Variants in WBP1L observed in about 807,000 individuals in gnomAD.
The protein encoded by WBP1L is WW domain binding protein 1 like, also known as WW domain binding protein 1-like.
Under a neutral mutation model 33.7 loss-of-function variants are expected in WBP1L, and 17 were observed. That is an observed-to-expected ratio of 0.50 (90% CI 0.34 to 0.76). The LOEUF (loss-of-function observed/expected upper bound fraction) is 0.76, where lower values mean the gene tolerates loss of function less well. Among genes scored for constraint, WBP1L ranks in the 30% least tolerant of loss-of-function variants. The probability of loss-of-function intolerance (pLI) is 0.01; values close to 1 mark genes in which losing one functional copy is unlikely to be tolerated. For missense variants in WBP1L, 389 were observed against 469.4 expected (o/e 0.83, Z 1.58); for synonymous variants, 173 against 190.8 (o/e 0.91, Z 0.77).
intron 1 of WBP1L, chr10:102,746,099 A>G: frequency 1.0e-6 from 1 of 982,800 alleles, no homozygotes. Context: ...GGTCAAAGAT[A>G]GGAACTAGAT....
At position 102,790,754 on chromosome 10, in the gene WBP1L, G is replaced by T. The variant is rs559999009; in HGVS notation, c.91-7239G>T. Among the ~76,000 whole-genome samples the T allele has an allele frequency of 1.1e-4, 16 of 151,958 alleles. No homozygotes were observed. The South Asian group carries it at 3.3e-3, about 32-fold the overall frequency. ...TCTCGAATTCCTGACCTCGTCATCC[G>T]CCCGCCTCAGCCTCCCAAAGTCCTG... is the stretch of plus-strand genomic sequence containing the variant. On this transcript the variant is annotated intron_variant, in intron 1 of 3. Transcript: ENST00000448841.
In WBP1L at chr10:102,785,434, AGCT is replaced by A. The variant is rs1306692204; in HGVS notation, c.91-12558_91-12556del. 7.4e-5 allele frequency among the ~76,000 whole-genome samples: 11 copies of A among 148,938 alleles called. No homozygotes were observed. In the East Asian group the frequency reaches 1.0e-3, roughly 13 times the overall value. ...GAACTCCTGATCTCATGATCCACCT[AGCT>A]CGGCCTCCCAAAGTGCTGGGATTAC... On this transcript the variant is annotated intron_variant, in intron 1 of 3. Coordinates refer to ENST00000448841, the MANE Select transcript of WBP1L (RefSeq NM_001083913.2).
intron 1 of WBP1L, among the ~76,000 whole-genome samples, chr10:102,776,970 A>G (rs1056136050): frequency 6.6e-6 from 1 of 151,942 alleles, no homozygotes; most frequent in East Asian, 1.9e-4. Flanking sequence ...AATTGACCCC[A>G]TTTTGGCCTT....
At position 102,784,035 on chromosome 10, in the gene WBP1L, T is replaced by C. The variant is rs577523272; in HGVS notation, c.91-13958T>C. Among the ~76,000 whole-genome samples, 10 of 152,292 alleles carry C rather than the reference T, an allele frequency of 6.6e-5. No homozygotes were observed. The South Asian group carries it at 2.1e-3, about 32-fold the overall frequency. ...TTAATCACTAGGTACTCTGTCTTAT[T>C]AATGACAGGTACAGAGTCATTTTTT... On this transcript the variant is annotated intron_variant, in intron 1 of 3. Transcript: ENST00000448841.
At chr10:102,806,484 G>C (rs6584526) in intron 2 of WBP1L, among the ~76,000 whole-genome samples, 81,708 of 151,910 alleles carry the variant, frequency 0.54, 22,617 homozygotes, top group Middle Eastern at 0.64. Context: ...CCACCCTTCT[G>C]CAAGGGTTCC....
At chr10:102,770,461 G>C (rs570381605) in intron 1 of WBP1L, among the ~76,000 whole-genome samples, 1 of 152,154 alleles carries the variant, frequency 6.6e-6, no homozygotes, top group Non-Finnish European at 1.5e-5. Flanking sequence ...TCTTTCTTCA[G>C]ATCCCTTGAT....
chr10:102,784,768 C>T (rs1026291066), intron 1 of WBP1L, among the ~76,000 whole-genome samples: 13 of 151,408 alleles, frequency 8.6e-5, no homozygotes, highest in African/African-American at 2.9e-4. Flanking sequence ...GCTTTTTTGC[C>T]CAGGCTGGTC....
intron 1 of WBP1L, among the ~76,000 whole-genome samples, chr10:102,757,883 C>G (rs1383119781): frequency 4.9e-5 from 3 of 61,146 alleles, no homozygotes; most frequent in Non-Finnish European, 6.2e-5. Context: ...CCCTCCCCCC[C>G]CCCCTTTTTT....
At chr10:102,776,732 G>A (rs1395683275) in intron 1 of WBP1L, among the ~76,000 whole-genome samples, 1 of 152,206 alleles carries the variant, frequency 6.6e-6, no homozygotes, top group African/African-American at 2.4e-5. Context: ...GGGAAGGGGA[G>A]AGGCAGAGTG....
chr10:102,763,824 G>GT (rs1241912794), intron 1 of WBP1L, among the ~76,000 whole-genome samples: 2 of 152,028 alleles, frequency 1.3e-5, no homozygotes, highest in Admixed American at 6.6e-5. Context: ...TTTTCTTTCT[G>GT]TTTTTTTGAG....
intron 2 of WBP1L, among the ~76,000 whole-genome samples, chr10:102,806,262 A>G (rs1415959013): frequency 6.6e-6 from 1 of 152,154 alleles, no homozygotes; most frequent in African/African-American, 2.4e-5. Context: ...ATAAAGTAAC[A>G]CAGAAGTATA....
chr10:102,743,992 G>C lies in WBP1L; in HGVS notation c.-62G>C. 2 of 1,222,934 alleles carry C rather than the reference G, an allele frequency of 1.6e-6. No homozygotes were observed. Among genetic ancestry groups the C allele is most frequent in the Non-Finnish European group, 1.2e-6 (1 of 854,666 alleles). The allele number at this position is 1,222,934 out of a possible 1,614,324, so 75.8% of individuals were successfully genotyped here. On this transcript the variant is annotated 5_prime_UTR_variant, in exon 1 of 4. Transcript: ENST00000448841. ...GAAGAAGGAAGAAGAGGGTAGAGGAGGAGAGGGAGGAGGAGGAGGGAGGTG... is the reference window on the plus strand; with the variant it reads ...GAAGAAGGAAGAAGAGGGTAGAGGACGAGAGGGAGGAGGAGGAGGGAGGTG...
At chr10:102,802,086 C>T (rs1843665980) in intron 2 of WBP1L, among the ~76,000 whole-genome samples, 1 of 88,690 alleles carries the variant, frequency 1.1e-5, no homozygotes, top group Non-Finnish European at 2.3e-5. Flanking sequence ...CTTTCCCTTT[C>T]CCCCTTCCCC....
At position 102,813,343 on chromosome 10, in the gene WBP1L, C is replaced by G; in HGVS notation, c.*12C>G. The stretch of plus-strand genomic sequence containing the variant: ...GCTCCCCCAGCTAGAGCAGGTCCTG[C>G]CAGCACCCAGCAACTTGGCAAAGCA... On this transcript the variant is annotated 3_prime_UTR_variant, in exon 4 of 4. Coordinates refer to ENST00000448841, the MANE Select transcript of WBP1L (RefSeq NM_001083913.2). 6.3e-7 allele frequency: 1 copy of G among 1,589,054 alleles called. No homozygotes were observed.
At chr10:102,749,896 GC>G (rs1209443325) in intron 1 of WBP1L, among the ~76,000 whole-genome samples, 6 of 151,352 alleles carry the variant, frequency 4.0e-5, no homozygotes, top group Admixed American at 3.3e-4. Flanking sequence ...TCATGCCTCA[GC>G]CTCCCAAATA....
At chr10:102,782,214 CTT>C (rs397961661) in intron 1 of WBP1L, among the ~76,000 whole-genome samples, 4 of 49,168 alleles carry the variant, frequency 8.1e-5, no homozygotes, top group East Asian at 8.2e-4. Flanking sequence ...AAAGAAGCTG[CTT>C]TTTTTTTTTT....
intron 1 of WBP1L, among the ~76,000 whole-genome samples, chr10:102,773,042 G>A (rs1159642572): frequency 2.0e-5 from 3 of 151,504 alleles, no homozygotes; most frequent in Non-Finnish European, 2.9e-5. Context: ...CATCATGTAT[G>A]AGGCTGGATC....
At chr10:102,775,262 C>A (rs1288971140) in intron 1 of WBP1L, among the ~76,000 whole-genome samples, 1 of 152,058 alleles carries the variant, frequency 6.6e-6, no homozygotes, top group Non-Finnish European at 1.5e-5. Context: ...AGGATTCAGG[C>A]CGAGGGAGAG....
Position 102,779,568 on chromosome 10 carries a change from C to T in WBP1L, c.91-18425C>T, listed in dbSNP as rs138589180. ...CCGCTCGCCTCGGCCTCCCAAAGTG[C>T]TGGGATTATAGACATGAGCCACCAG... On this transcript the variant is annotated intron_variant, in intron 1 of 3. Transcript: ENST00000448841. 3.4e-3 allele frequency among the ~76,000 whole-genome samples: 516 copies of T among 152,200 alleles called. 1 individual carries two copies. Among genetic ancestry groups the T allele is most frequent in the African/African-American group, 0.012 (490 of 41,558 alleles).
Sources: gnomAD v4.1 joint callset for allele counts (sites outside exome capture counted in the v4.1 genomes callset) on GRCh38, gnomAD v4.1.1 for gene constraint, MANE v1.5 for transcripts, NCBI Gene and HGNC (gene_info 2026-07-23, HGNC 2026-07-21) for gene names.